ABCB9: variants seen among roughly 807,000 people sequenced by gnomAD.
ABCB9 encodes the protein ATP binding cassette subfamily B member 9, also known as ABC-type oligopeptide transporter ABCB9.
Under a neutral mutation model 62.0 loss-of-function variants are expected in ABCB9, and 36 were observed. The observed-to-expected ratio is 0.58, with a 90% CI of 0.45 to 0.77. The LOEUF (loss-of-function observed/expected upper bound fraction) is 0.77. Among genes scored for constraint, ABCB9 ranks in the 30% least tolerant of loss-of-function variants. The pLI, the probability that ABCB9 is intolerant of heterozygous loss-of-function variation, is 0.00. For missense variants in ABCB9, 943 were observed against 1,054.7 expected (o/e 0.89, Z 1.47); for synonymous variants, 435 against 461.4 (o/e 0.94, Z 0.73).
In ABCB9 at chr12:122,944,270, T is replaced by C; in HGVS notation, c.1380+121A>G. 2.1e-6 allele frequency: 3 copies of C among 1,414,652 alleles called. No homozygotes were observed. The highest frequency in any genetic ancestry group is 2.9e-6 in the Non-Finnish European group (3 of 1,049,418). The allele number at this position is 1,414,652 out of a possible 1,614,324, so 87.6% of individuals were successfully genotyped here. On this transcript the variant is annotated intron_variant, in intron 7 of 11. Transcript: ENST00000280560. This position sits in a 1 kb window ranked among gnomAD's most constrained non-coding sequence, Gnocchi z 4.9. ...GATATGATCATGCTGTCTCCCCTACTTACCTTAGAGAGAAATACCACATTG... is the reference window on the plus strand; with the variant it reads ...GATATGATCATGCTGTCTCCCCTACCTACCTTAGAGAGAAATACCACATTG...
At position 122,940,710 on chromosome 12, in the gene ABCB9, T is replaced by C; in HGVS notation, c.1569+97A>G. The C allele has an allele frequency of 1.4e-6, 2 of 1,405,714 alleles. No individual in the cohort carries two copies. Among genetic ancestry groups the C allele is most frequent in the Non-Finnish European group, 1.9e-6 (2 of 1,058,568 alleles). The allele number at this position is 1,405,714 out of a possible 1,614,324, so 87.1% of individuals were successfully genotyped here. A position where few individuals can be genotyped will look rare whatever the true frequency, so the allele number is the denominator to read the frequency against. On this transcript the variant is annotated intron_variant, in intron 8 of 11. Transcript: ENST00000280560. The surrounding 1 kb of genome is among the most constrained non-coding windows in gnomAD (Gnocchi z 4.8). ...GAGGGCAATGATCTTGCCTGACATA[T>C]TCCCAGCTGCCCTGCCACAGCCTGG...
At chr12:122,942,262 G>T (rs1279523186) in intron 7 of ABCB9, among the ~76,000 whole-genome samples, 1 of 151,850 alleles carries the variant, frequency 6.6e-6, no homozygotes, top group Non-Finnish European at 1.5e-5. Context: ...TTACTGTGAA[G>T]ACAACAGCAA....
Position 122,959,777 on chromosome 12 carries a change from G to A in ABCB9, c.459C>T (p.Thr153=), listed in dbSNP as rs373998791. 14 of 1,611,852 alleles carry A rather than the reference G, an allele frequency of 8.7e-6. No homozygotes were observed. The highest frequency in any genetic ancestry group is 2.2e-5 in the East Asian group (1 of 44,860). The change falls in exon 2 of 12, where the codon ACC becomes ACT. Residue 153 remains threonine (T), a synonymous_variant. Coordinates refer to ENST00000280560, the MANE Select transcript of ABCB9 (RefSeq NM_019625.4). This position sits in a 1 kb window ranked among gnomAD's most constrained non-coding sequence, Gnocchi z 5.4. ...GTQALEPGAA[T]EAEGFPGSGR... ...CGCTCCCAGGGAAGCCCTCAGCCTC[G>A]GTGGCCGCCCCTGGCTCCAGGGCCT...
rs2035245533 is a variant in ABCB9 at position 122,932,670 on chromosome 12, T to C, written c.1904-342A>G. Among the ~76,000 whole-genome samples the C allele has an allele frequency of 6.6e-6, 1 of 152,116 alleles. No individual in the cohort carries two copies. Among genetic ancestry groups the C allele is most frequent in the Admixed American group, 6.5e-5 (1 of 15,268 alleles). The stretch of plus-strand genomic sequence containing the variant: ...CCCATGGCTTGAAGAGCTGCAGCAA[T>C]AACCCTGGGTCTATGAGTCTGTGCA... On this transcript the variant is annotated intron_variant, in intron 10 of 11. Transcript: ENST00000280560. This position sits in a 1 kb window ranked among gnomAD's most constrained non-coding sequence, Gnocchi z 4.7.
chr12:122,952,330 G>T (rs1219589454), intron 2 of ABCB9: 2 of 152,280 alleles, frequency 1.3e-5, no homozygotes, highest in Non-Finnish European at 2.9e-5. Context: ...CCCAGGACCT[G>T]TTTCCACTGA....
At position 122,964,433 on chromosome 12, in the gene ABCB9, C is replaced by G. The variant is rs1003691812; in HGVS notation, c.-88+1854G>C. ...CAGAGGGAGGGGGTGAGGCTTGTCT[C>G]AGGTCATCCACCAGGCTGGGGCAGA... is the stretch of plus-strand genomic sequence containing the variant. On this transcript the variant is annotated intron_variant, in intron 1 of 11. Coordinates refer to ENST00000280560, the MANE Select transcript of ABCB9 (RefSeq NM_019625.4). This position sits in a 1 kb window ranked among gnomAD's most constrained non-coding sequence, Gnocchi z 4.7. Among the ~76,000 whole-genome samples the G allele has an allele frequency of 6.6e-6, 1 of 152,234 alleles. No individual in the cohort carries two copies. Among genetic ancestry groups the G allele is most frequent in the Non-Finnish European group, 1.5e-5 (1 of 68,034 alleles).
intron 9 of ABCB9, among the ~76,000 whole-genome samples, chr12:122,937,301 G>A (rs1238374216): frequency 6.6e-6 from 1 of 151,870 alleles, no homozygotes; most frequent in Admixed American, 6.6e-5. Context: ...AGAAGTTGCA[G>A]TGAGCCGAGA....
At chr12:122,950,263 G>A (rs763937668) in intron 3 of ABCB9, among the ~76,000 whole-genome samples, 188 bp downstream of exon 3, 1 of 152,190 alleles carries the variant, frequency 6.6e-6, no homozygotes, top group Non-Finnish European at 1.5e-5. Context: ...GGGACCAGAG[G>A]GTGTGGTTCT....
At position 122,944,598 on chromosome 12, in the gene ABCB9, C is replaced by T; in HGVS notation, c.1252-79G>A. On this transcript the variant is annotated intron_variant, in intron 6 of 11. Coordinates refer to ENST00000280560, the MANE Select transcript of ABCB9 (RefSeq NM_019625.4). The surrounding 1 kb of genome is among the most constrained non-coding windows in gnomAD (Gnocchi z 4.9). ...TCCCCATTCCCTGACCCATCCCAGG[C>T]TGCAGGGGGAGGTGAGGGCAGACCC... is the stretch of plus-strand genomic sequence containing the variant. 4 of 1,567,056 alleles carry T rather than the reference C, an allele frequency of 2.6e-6. No individual in the cohort carries two copies. The highest frequency in any genetic ancestry group is 3.5e-6 in the Non-Finnish European group (4 of 1,153,674).
At chr12:122,920,080 C>T (rs1220491496), downstream of ABCB9, among the ~76,000 whole-genome samples, 2 of 151,830 alleles carry the variant, frequency 1.3e-5, no homozygotes, top group Non-Finnish European at 2.9e-5. Flanking sequence ...GAGTTTTCAC[C>T]ATGTTGGCCA....
At position 122,959,550 on chromosome 12, in the gene ABCB9, A is replaced by C. The variant is rs1367269667; in HGVS notation, c.601+85T>G. 1 of 1,502,018 alleles carries C rather than the reference A, an allele frequency of 6.7e-7. No individual in the cohort carries two copies. Among genetic ancestry groups the C allele is most frequent in the African/African-American group, 1.4e-5 (1 of 71,356 alleles). 93.0% of individuals were successfully genotyped at this position (1,502,018 alleles called of 1,614,324 possible). A position where few individuals can be genotyped will look rare whatever the true frequency, so the allele number is the denominator to read the frequency against. ...TATCAATTTGATGTCTGAACCACGTAAGTAAAATCTTTTAAAATCTAAGGC... is the reference window on the plus strand; with the variant it reads ...TATCAATTTGATGTCTGAACCACGTCAGTAAAATCTTTTAAAATCTAAGGC... On this transcript the variant is annotated intron_variant, in intron 2 of 11. Transcript: ENST00000280560. The surrounding 1 kb of genome is among the most constrained non-coding windows in gnomAD (Gnocchi z 5.4).
rs771280278 is a variant in ABCB9 at position 122,929,916 on chromosome 12, C to A, written c.2296G>T (p.Ala766Ser). Residue 766 changes from alanine (A) to serine (S), a missense_variant, in exon 12 of 12, where the codon GCC becomes TCC. Physicochemically the swap from Ala to Ser is moderately conservative, Grantham distance 99. Coordinates refer to ENST00000280560, the MANE Select transcript of ABCB9 (RefSeq NM_019625.4). The surrounding 1 kb of genome is among the most constrained non-coding windows in gnomAD (Gnocchi z 6.0). The stretch of plus-strand genomic sequence containing the variant: ...GGAGAAGCAGGGGCCCCCCATCAGG[C>A]CTTGTGACTGCCGTTGGCTACAGGC... ...NEPVANGSHK[A>S] 1.6e-5 allele frequency: 24 copies of A among 1,547,664 alleles called. No homozygotes were observed. The highest frequency in any genetic ancestry group is 9.1e-5 in the East Asian group (4 of 43,904).
intron 1 of ABCB9, among the ~76,000 whole-genome samples, chr12:122,972,201 C>T (rs1388650211): frequency 2.0e-5 from 3 of 152,072 alleles, no homozygotes; most frequent in South Asian, 2.1e-4. Context: ...CCAGCCACCG[C>T]GCCCGGCTAA....
intron 11 of ABCB9, among the ~76,000 whole-genome samples, chr12:122,922,466 G>A (rs1277490954): frequency 6.6e-6 from 1 of 151,824 alleles, no homozygotes; most frequent in African/African-American, 2.4e-5. Context: ...TGCAACCTCC[G>A]CCTCCCGGGT....
At chr12:122,971,386 CA>C (rs1325058090), upstream of ABCB9, among the ~76,000 whole-genome samples, 985 of 53,932 alleles carry the variant, frequency 0.018, 5 homozygotes, top group Middle Eastern at 0.041. Context: ...GACTCCATCT[CA>C]AAAAAAAAAA....
chr12:122,928,632 A>T (rs765036975), downstream of ABCB9, among the ~76,000 whole-genome samples: 2 of 152,042 alleles, frequency 1.3e-5, no homozygotes, highest in Non-Finnish European at 2.9e-5. Context: ...CCTCCTGGGT[A>T]ATATTTCTTT....
chr12:122,946,533 G>T, intron 5 of ABCB9: 1 of 385,758 alleles, frequency 2.6e-6, no homozygotes, highest in East Asian at 5.3e-5. Flanking sequence ...GACAGTTTTT[G>T]GTAATCCTTT....
chr12:122,960,210 A>G lies in ABCB9; in HGVS notation c.26T>C (p.Val9Ala). MRLWKAVV[V>A]TLAFMSVDIC... ...GTCCACACTCATGAAGGCCAAAGTC[A>G]CCACCACCGCCTTCCACAGCCGCAT... Residue 9 changes from valine to alanine, a missense_variant, in exon 2 of 12, where the codon GTG becomes GCG. By Grantham distance (64) the Val-to-Ala change is moderately conservative. Coordinates refer to ENST00000280560, the MANE Select transcript of ABCB9 (RefSeq NM_019625.4). The G allele has an allele frequency of 6.2e-7, 1 of 1,612,352 alleles. No homozygotes were observed. The highest frequency in any genetic ancestry group is 8.5e-7 in the Non-Finnish European group (1 of 1,179,260).
At chr12:122,949,964 A>G (rs1481887114) in intron 3 of ABCB9, 46 bp from the exon 4 acceptor site, 1 of 1,610,990 alleles carries the variant, frequency 6.2e-7, no homozygotes, top group Non-Finnish European at 8.5e-7. Context: ...CTTCCAGACC[A>G]GTGACCACAC....
Sources: gnomAD v4.1 joint callset for allele counts (sites outside exome capture counted in the v4.1 genomes callset) on GRCh38, gnomAD v4.1.1 for gene constraint, Gnocchi (gnomAD v3.1) non-coding constraint, MANE v1.5 for transcripts, NCBI Gene and HGNC (gene_info 2026-07-23, HGNC 2026-07-21) for gene names.